STAM: variants seen among roughly 807,000 people sequenced by gnomAD.
STAM encodes signal transducing adaptor molecule, also known as signal transducing adapter molecule 1.
A neutral mutation model predicts 63.4 loss-of-function variants in STAM; 16 were observed. The ratio of observed to expected loss-of-function variants is 0.25; its 90% CI spans 0.17 to 0.38. The LOEUF is 0.38. STAM is among the 10% of genes least tolerant of loss of function. STAM has a pLI of 1.00. For missense variants in STAM, 636 were observed against 657.1 expected (o/e 0.97, Z 0.35); for synonymous variants, 238 against 223.9 (o/e 1.06, Z -0.56).
chr10:17,661,586 A>G (rs968043735), intron 2 of STAM, among the ~76,000 whole-genome samples: 6 of 152,324 alleles, frequency 3.9e-5, no homozygotes, highest in African/African-American at 1.4e-4. Flanking sequence ...CTCACCATCT[A>G]GAAACCAGAA....
intron 5 of STAM, among the ~76,000 whole-genome samples, chr10:17,689,513 T>G (rs1241160817): frequency 2.6e-5 from 4 of 152,226 alleles, no homozygotes. Context: ...CTTAAAAAAA[T>G]TATGTCTTTG....
At chr10:17,662,108 ATTC>A (rs1834196306) in intron 2 of STAM, among the ~76,000 whole-genome samples, 1 of 151,686 alleles carries the variant, frequency 6.6e-6, no homozygotes, top group East Asian at 1.9e-4. Context: ...CTCTTTTCTA[ATTC>A]TTATATCCAG....
chr10:17,648,751 A>G (rs1476437914), intron 1 of STAM, among the ~76,000 whole-genome samples: 1 of 152,182 alleles, frequency 6.6e-6, no homozygotes, highest in Admixed American at 6.5e-5. Context: ...ATCAGTTCTC[A>G]TTTACAAAGG....
intron 1 of STAM, among the ~76,000 whole-genome samples, chr10:17,656,877 G>A (rs1484249326): frequency 6.6e-6 from 1 of 152,150 alleles, no homozygotes; most frequent in African/African-American, 2.4e-5. Flanking sequence ...AATCCAAGTG[G>A]GTGACTTGAA....
intron 7 of STAM, chr10:17,695,970 G>A (rs1167973226): frequency 4.6e-5 from 7 of 152,122 alleles, no homozygotes; most frequent in African/African-American, 2.4e-5. Flanking sequence ...GTTTGTAGAA[G>A]GCTGTCATTT....
At chr10:17,680,585 C>T (rs932720738) in intron 2 of STAM, among the ~76,000 whole-genome samples, 1 of 151,926 alleles carries the variant, frequency 6.6e-6, no homozygotes, top group Admixed American at 6.6e-5. Context: ...TTAAAAATTT[C>T]TTGTAGAGAC....
chr10:17,663,583 CACTT>C (rs1183286985), intron 2 of STAM, among the ~76,000 whole-genome samples: 3 of 151,894 alleles, frequency 2.0e-5, no homozygotes, highest in Non-Finnish European at 4.4e-5. Flanking sequence ...CCCACTTACT[CACTT>C]AGTTTTGACT....
At chr10:17,714,408 A>C (rs1836709187) in intron 13 of STAM, 135 bp from the exon 14 acceptor site, 2 of 829,252 alleles carry the variant, frequency 2.4e-6, no homozygotes, top group Admixed American at 4.1e-5. Flanking sequence ...TGTTTGGCAC[A>C]TTATAGCTGT....
At chr10:17,680,300 CTCTT>C (rs1473156651) in intron 2 of STAM, among the ~76,000 whole-genome samples, 1 of 152,106 alleles carries the variant, frequency 6.6e-6, no homozygotes, top group Non-Finnish European at 1.5e-5. Flanking sequence ...ACCTCCAGAA[CTCTT>C]TAAAACTGAA....
At chr10:17,692,032 T>G (rs1554826849) in intron 5 of STAM, among the ~76,000 whole-genome samples, 4 of 152,252 alleles carry the variant, frequency 2.6e-5, no homozygotes, top group African/African-American at 9.6e-5. Flanking sequence ...CCATCTCATC[T>G]GATTTTGGAA....
rs1355774442 is a variant in STAM at position 17,674,160 on chromosome 10, T to C, written c.126-10515T>C. On this transcript the variant is annotated intron_variant, in intron 2 of 13. Transcript: ENST00000377524. ...ATATGTATTATGTTTAAGTTATGTT[T>C]TAAACAGAGATTAAAAGAAGACCCA... Among the ~76,000 whole-genome samples the C allele has an allele frequency of 2.6e-5, 4 of 152,174 alleles. No homozygotes were observed. The East Asian group carries it at 7.7e-4, about 29-fold the overall frequency.
At chr10:17,683,165 A>T (rs1835156810) in intron 2 of STAM, among the ~76,000 whole-genome samples, 1 of 151,402 alleles carries the variant, frequency 6.6e-6, no homozygotes, top group Admixed American at 6.6e-5. Flanking sequence ...TATTTTTTTG[A>T]TTTAAAACTT....
chr10:17,694,733 A>C (rs1440415431), intron 6 of STAM, among the ~76,000 whole-genome samples: 1 of 152,222 alleles, frequency 6.6e-6, no homozygotes, highest in Non-Finnish European at 1.5e-5. Context: ...GGTCAAGGAA[A>C]ATATCTGCAG....
Position 17,704,516 on chromosome 10 carries a change from A to T in STAM, c.998A>T (p.Glu333Val). Residue 333 changes from glutamate (E) to valine (V), a missense_variant and splice_region_variant, in exon 10 of 14, where the codon GAA (glutamate) becomes GTA (valine). Glu to Val is a moderately radical substitution (Grantham distance 121, BLOSUM62 -2). This residue lies in a region of STAM where 532 missense variants were observed against 536.9 expected (regional missense o/e 0.99). Coordinates refer to ENST00000377524, the MANE Select transcript of STAM (RefSeq NM_003473.4). ...QPDLPELLHL[E>V]AMCHQMGPLI... is the part of the protein sequence containing the mutation. ...GACCTACCAGAGCTGCTTCATCTTG[A>T]AGGTAAAACTTTTCTATTTACCTTG... 1 of 1,613,722 alleles carries T rather than the reference A, an allele frequency of 6.2e-7. No homozygotes were observed. The highest frequency in any genetic ancestry group is 8.5e-7 in the Non-Finnish European group (1 of 1,179,684).
chr10:17,673,688 A>G (rs1236732532), intron 2 of STAM, among the ~76,000 whole-genome samples: 1 of 152,186 alleles, frequency 6.6e-6, no homozygotes, highest in African/African-American at 2.4e-5. Flanking sequence ...AACCAACCCA[A>G]CAGAAGAGAG....
chr10:17,695,391 A>T lies in STAM; in HGVS notation c.728+150A>T, dbSNP rs1254469589. ...GACAGTTGGCTGATTTGCTTGTGTT[A>T]TACTGGGTGGATTCTTATTTTGTTG... On this transcript the variant is annotated intron_variant, in intron 7 of 13. Transcript: ENST00000377524. The T allele has an allele frequency of 4.7e-6, 3 of 643,462 alleles. No homozygotes were observed. The African/African-American group carries it at 5.6e-5, about 12-fold the overall frequency. The allele number at this position is 643,462 out of a possible 1,614,324, so 39.9% of individuals were successfully genotyped here.
chr10:17,691,511 C>CAAATAAATAAAT (rs1554826786), intron 5 of STAM, among the ~76,000 whole-genome samples: 14 of 151,866 alleles, frequency 9.2e-5, no homozygotes, highest in African/African-American at 3.1e-4. Flanking sequence ...GAGCGAGACT[C>CAAATAAATAAAT]AAATAAATAA....
intron 2 of STAM, among the ~76,000 whole-genome samples, chr10:17,672,600 C>G (rs1182880420): frequency 6.6e-6 from 1 of 152,186 alleles, no homozygotes; most frequent in Non-Finnish European, 1.5e-5. Context: ...CATATTTTAT[C>G]TAACATAGTC....
At chr10:17,707,680 C>G (rs557408380) in intron 12 of STAM, among the ~76,000 whole-genome samples, 1 of 152,206 alleles carries the variant, frequency 6.6e-6, no homozygotes, top group African/African-American at 2.4e-5. Flanking sequence ...ACTGGTATAG[C>G]TGTGTTTATA....
Sources: gnomAD v4.1 joint callset for allele counts (sites outside exome capture counted in the v4.1 genomes callset) on GRCh38, gnomAD v4.1.1 for gene constraint, gnomAD v4.1.1 regional missense constraint, MANE v1.5 for transcripts, NCBI Gene and HGNC (gene_info 2026-07-23, HGNC 2026-07-21) for gene names.